The following DDX42 variants were observed in gnomAD, a reference collection of about 807,000 sequenced individuals.
DDX42 encodes the protein DEAD-box helicase 42, also known as ATP-dependent RNA helicase DDX42.
DDX42 carries 22 observed loss-of-function variants against 101.5 expected under a neutral mutation model. That is an observed-to-expected ratio of 0.22 (90% confidence interval 0.15 to 0.31). The LOEUF (loss-of-function observed/expected upper bound fraction) is 0.31. DDX42 is among the 10% of genes least tolerant of loss of function. DDX42 has a pLI of 1.00. For synonymous variants in DDX42, 402 were observed against 401.2 expected, an observed-to-expected ratio of 1.00 and a Z score of -0.02; for missense variants, 849 against 1,199.9, an observed-to-expected ratio of 0.71 and a Z score of 4.32.
intron 12 of DDX42, 122 bp from the exon 13 acceptor site, chr17:63,810,954 A>G: frequency 1.4e-6 from 1 of 738,804 alleles, no homozygotes; most frequent in Non-Finnish European, 2.2e-6. Context: ...TTTCTAAACT[A>G]AATTTAAAGT....
intron 1 of DDX42, among the ~76,000 whole-genome samples, chr17:63,785,294 C>T (rs767281021): frequency 6.7e-6 from 1 of 150,058 alleles, no homozygotes; most frequent in African/African-American, 2.5e-5. Flanking sequence ...ACTAAAAATA[C>T]AAAATATTAG....
At chr17:63,777,075 T>C (rs1429608674) in intron 1 of DDX42, among the ~76,000 whole-genome samples, 2 of 151,962 alleles carry the variant, frequency 1.3e-5, no homozygotes, top group Non-Finnish European at 1.5e-5. Flanking sequence ...CCTGGCTAAT[T>C]TTTTAAATTT....
At chr17:63,804,351 CCTA>C (rs2039812279) in intron 6 of DDX42, among the ~76,000 whole-genome samples, 1 of 151,958 alleles carries the variant, frequency 6.6e-6, no homozygotes, top group Admixed American at 6.6e-5. Context: ...GTTTTGTATA[CCTA>C]CTACACTAAG....
chr17:63,774,284 G>T lies in DDX42; in HGVS notation c.-109G>T. On this transcript the variant is annotated 5_prime_UTR_variant, in exon 1 of 18. Coordinates refer to ENST00000389924, the MANE Select transcript of DDX42 (RefSeq NM_203499.3). Reference sequence around the variant, plus strand: ...GAAGGGGGCGGAGAGGAAGGAGCGCGGCGGGACCGGGCCGGGACAGCGCGT... The same window carrying T: ...GAAGGGGGCGGAGAGGAAGGAGCGCTGCGGGACCGGGCCGGGACAGCGCGT... 3.5e-6 allele frequency: 1 copy of T among 289,028 alleles called. No individual in the cohort carries two copies. The allele number at this position is 289,028 out of a possible 1,614,324, so 17.9% of individuals were successfully genotyped here.
Position 63,818,208 on chromosome 17 carries a change from G to C in DDX42, c.2627G>C (p.Gly876Ala), listed in dbSNP as rs759196858. ...GSAGRHGENR[G>A]ANDGRNGESR... ...GCAGGCCGGCATGGGGAGAACCGGG[G>C]TGCAAATGATGGTCGGAATGGGGAA... Residue 876 changes from glycine to alanine, a missense_variant, in exon 18 of 18, where the codon GGT becomes GCT. By Grantham distance (60) the Gly-to-Ala change is moderately conservative. Coordinates refer to ENST00000389924, the MANE Select transcript of DDX42 (RefSeq NM_203499.3). 2.3e-5 allele frequency: 37 copies of C among 1,613,958 alleles called. No homozygotes were observed. The highest frequency in any genetic ancestry group is 2.9e-5 in the Non-Finnish European group (34 of 1,180,040).
chr17:63,814,943 C>T (rs1396957751), intron 15 of DDX42, among the ~76,000 whole-genome samples: 1 of 152,170 alleles, frequency 6.6e-6, no homozygotes, highest in East Asian at 1.9e-4. Context: ...CCCACCTCGG[C>T]CTCCAGAGTG....
intron 1 of DDX42, among the ~76,000 whole-genome samples, chr17:63,777,380 C>T (rs1017410979): frequency 8.6e-5 from 13 of 151,980 alleles, no homozygotes; most frequent in South Asian, 4.2e-4. Flanking sequence ...TTTCTTCAGC[C>T]ATGAATCCTA....
chr17:63,815,511 T>G (rs757718760), intron 15 of DDX42, 52 bp from the exon 16 acceptor site: 2 of 1,383,344 alleles, frequency 1.4e-6, no homozygotes, highest in Admixed American at 3.6e-5. Flanking sequence ...CGTTCTCTTC[T>G]TCTGTTCTTT....
intron 3 of DDX42, among the ~76,000 whole-genome samples, chr17:63,793,681 C>T (rs564403320): frequency 1.3e-5 from 2 of 152,194 alleles, no homozygotes; most frequent in South Asian, 4.1e-4. Flanking sequence ...ACCCAAAAAA[C>T]AAATCATTAA....
In DDX42 at chr17:63,789,546, C is replaced by CGTTTTTTTT. The variant is rs138224520; in HGVS notation, c.221+2276_221+2277insGTTTTTTTT. 2.5e-4 allele frequency among the ~76,000 whole-genome samples: 31 copies of CGTTTTTTTT among 121,840 alleles called. 6 individuals carry two copies. Among genetic ancestry groups the CGTTTTTTTT allele is most frequent in the African/African-American group, 7.8e-4 (23 of 29,356 alleles). The allele number at this position is 121,840 out of a possible 152,430, so 79.9% of individuals were successfully genotyped here. A position where few individuals can be genotyped will look rare whatever the true frequency, so the allele number is the denominator to read the frequency against. ...ATTGGAAAAAAAAGCTTCTAAAAGACTTTTTTGTTTTTGTTTTTGTTTTTG... is the reference window on the plus strand; with the variant it reads ...ATTGGAAAAAAAAGCTTCTAAAAGACGTTTTTTTTTTTTTTGTTTTTGTTTTTGTTTTTG... On this transcript the variant is annotated intron_variant, in intron 2 of 17. Transcript: ENST00000389924.
In DDX42 at chr17:63,818,169, G is replaced by C. The variant is rs757297950; in HGVS notation, c.2588G>C (p.Arg863Thr). Residue 863 changes from arginine (R) to threonine (T), a missense_variant, in exon 18 of 18, where the codon AGA becomes ACA. Coordinates refer to ENST00000389924, the MANE Select transcript of DDX42 (RefSeq NM_203499.3). ...HTDGHRHGENRHGGSAGRHGE... is the reference protein window; with the variant it reads ...HTDGHRHGENTHGGSAGRHGE... ...GATGGCCATCGGCACGGGGAGAACAGACATGGAGGAAGCGCAGGCCGGCAT... is the reference window on the plus strand; with the variant it reads ...GATGGCCATCGGCACGGGGAGAACACACATGGAGGAAGCGCAGGCCGGCAT... The C allele has an allele frequency of 5.0e-6, 8 of 1,613,944 alleles. No individual in the cohort carries two copies. The East Asian group carries it at 1.6e-4, about 31-fold the overall frequency.
chr17:63,814,325 C>G (rs1446010757), intron 15 of DDX42, among the ~76,000 whole-genome samples: 3 of 152,182 alleles, frequency 2.0e-5, no homozygotes, highest in African/African-American at 7.2e-5. Flanking sequence ...TTTCTGAGAG[C>G]AGAAACTGTT....
chr17:63,796,843 C>T (rs2039699318), intron 3 of DDX42, among the ~76,000 whole-genome samples: 1 of 152,138 alleles, frequency 6.6e-6, no homozygotes, highest in Admixed American at 6.5e-5. Context: ...TGTTTGTATG[C>T]ATTGCTTCTC....
rs112276903 is a variant in DDX42, at chr17:63,792,986, G to C, written c.372+424G>C. The stretch of plus-strand genomic sequence containing the variant: ...CTTCATCAACATTCATGACCTCCCT[G>C]TAGAAATTTAACCTCATGACCACCT... On this transcript the variant is annotated intron_variant, in intron 3 of 17. Transcript: ENST00000389924. 7.4e-3 allele frequency among the ~76,000 whole-genome samples: 1,124 copies of C among 152,184 alleles called. 10 individuals carry two copies. Among genetic ancestry groups the C allele is most frequent in the Non-Finnish European group, 0.012 (788 of 68,014 alleles).
chr17:63,776,387 A>G (rs1729786147), intron 1 of DDX42: 1 of 152,342 alleles, frequency 6.6e-6, no homozygotes, highest in African/African-American at 2.4e-5. Flanking sequence ...TGACTCTGTT[A>G]TGACACTTGC....
chr17:63,798,230 T>C (rs990149277), intron 4 of DDX42, 131 bp downstream of exon 4: 2 of 737,784 alleles, frequency 2.7e-6, no homozygotes, highest in East Asian at 5.2e-5. Context: ...GTTATTCCTG[T>C]ATCTTGAATA....
chr17:63,812,182 C>G lies in DDX42; in HGVS notation c.1649C>G (p.Pro550Arg). The G allele has an allele frequency of 1.2e-6, 2 of 1,613,546 alleles. No homozygotes were observed. Among genetic ancestry groups the G allele is most frequent in the Non-Finnish European group, 1.7e-6 (2 of 1,179,596 alleles). The change falls in exon 14 of 18, where the codon CCA becomes CGA. Residue 550 changes from proline (P) to arginine (R), a missense_variant. By Grantham distance (103) the Pro-to-Arg change is moderately radical. Transcript: ENST00000389924. ...TCAGACTTTAAGAAAAAGGACATCC[C>G]AGTCCTGGTGGCCACAGATGTTGCA... is the stretch of plus-strand genomic sequence containing the variant. ...VISDFKKKDI[P>R]VLVATDVAAR...
At position 63,813,284 on chromosome 17, in the gene DDX42, G is replaced by T; in HGVS notation, c.1732G>T (p.Asp578Tyr). Reference sequence around the variant, plus strand: ...TGTCATTAACTATGATGTGGCACGAGACATTGATACCCACACGCATAGGAT... The same window carrying T: ...TGTCATTAACTATGATGTGGCACGATACATTGATACCCACACGCATAGGAT... ...KTVINYDVAR[D>Y]IDTHTHRIGR... The change falls in exon 15 of 18, where the codon GAC (aspartate) becomes TAC (tyrosine). Residue 578 changes from aspartate to tyrosine, a missense_variant. By Grantham distance (160) the Asp-to-Tyr change is radical. Coordinates refer to ENST00000389924, the MANE Select transcript of DDX42 (RefSeq NM_203499.3). 2 of 1,614,034 alleles carry T rather than the reference G, an allele frequency of 1.2e-6. No homozygotes were observed. The highest frequency in any genetic ancestry group is 1.7e-6 in the Non-Finnish European group (2 of 1,179,888).
intron 15 of DDX42, among the ~76,000 whole-genome samples, chr17:63,814,695 T>C (rs1458238229): frequency 4.1e-5 from 6 of 144,786 alleles, no homozygotes; most frequent in Non-Finnish European, 1.5e-5. Flanking sequence ...TTTTTTTTTT[T>C]TTTCTTTTTT....
Sources: gnomAD v4.1 joint callset for allele counts (sites outside exome capture counted in the v4.1 genomes callset) on GRCh38, gnomAD v4.1.1 for gene constraint, MANE v1.5 for transcripts, NCBI Gene and HGNC (gene_info 2026-07-23, HGNC 2026-07-21) for gene names.